Variants in TPM4 observed in about 807,000 individuals in gnomAD.
TPM4 encodes the protein tropomyosin 4, also known as tropomyosin alpha-4 chain.
TPM4 carries 17 observed loss-of-function variants against 35.8 expected under a neutral mutation model. That is an observed-to-expected ratio of 0.47 (90% CI 0.32 to 0.71). TPM4 has a LOEUF of 0.71. Among genes scored for constraint, TPM4 ranks in the 30% least tolerant of loss-of-function variants. TPM4 has a pLI of 0.03. For synonymous variants in TPM4, 120 were observed against 122.9 expected (o/e 0.98, Z 0.15); for missense variants, 240 against 320.9 (o/e 0.75, Z 1.93).
chr19:16,073,959 A>AAAAC (rs2090379055), upstream of TPM4, among the ~76,000 whole-genome samples: 3 of 120,128 alleles, frequency 2.5e-5, no homozygotes, highest in African/African-American at 9.9e-5. Context: ...AAAAAAAAAA[A>AAAAC]ACGCAAAAAA....
intron 7 of TPM4, chr19:16,095,421 G>C: frequency 9.7e-7 from 1 of 1,030,216 alleles, no homozygotes; most frequent in Non-Finnish European, 1.2e-6. Context: ...TAGGAGCTCC[G>C]GTGGCCTGCC....
chr19:16,092,565 C>T (rs2090641302), intron 5 of TPM4, among the ~76,000 whole-genome samples: 1 of 151,028 alleles, frequency 6.6e-6, no homozygotes, highest in African/African-American at 2.4e-5. Context: ...GATGGAGTCT[C>T]ACTCCATCGC....
At chr19:16,078,451 G>T (rs1310973866) in intron 1 of TPM4, among the ~76,000 whole-genome samples, 1 of 152,218 alleles carries the variant, frequency 6.6e-6, no homozygotes, top group Non-Finnish European at 1.5e-5. Context: ...GAGCCCAGAT[G>T]GGGGCTGCAG....
upstream of TPM4, chr19:16,076,448 G>C: frequency 1.5e-6 from 2 of 1,340,390 alleles, no homozygotes; most frequent in Non-Finnish European, 1.9e-6. Context: ...GGGAGAGGCG[G>C]GGGCGGCCCC....
At chr19:16,099,067 A>C (rs2090734142) in intron 7 of TPM4, among the ~76,000 whole-genome samples, 1 of 90,932 alleles carries the variant, frequency 1.1e-5, no homozygotes, top group Admixed American at 1.2e-4. Flanking sequence ...TAGTCACTTG[A>C]CTCTGTGTGT....
intron 2 of TPM4, among the ~76,000 whole-genome samples, chr19:16,085,420 G>T (rs2090538188): frequency 6.6e-6 from 1 of 151,952 alleles, no homozygotes; most frequent in African/African-American, 2.4e-5. Flanking sequence ...TTTTAGTTTA[G>T]CTGGGTGCAG....
At chr19:16,091,639 G>A (rs941316773) in intron 5 of TPM4, among the ~76,000 whole-genome samples, 12 of 152,156 alleles carry the variant, frequency 7.9e-5, no homozygotes, top group African/African-American at 2.9e-4. Flanking sequence ...GCTGGGCATG[G>A]TGGTGCATGC....
chr19:16,099,933 G>A (rs2090745844), intron 7 of TPM4: 1 of 152,124 alleles, frequency 6.6e-6, no homozygotes, highest in African/African-American at 2.4e-5. Context: ...ACACAATTAT[G>A]TGTATAATTT....
chr19:16,086,145 T>C (rs1327088168), intron 2 of TPM4, among the ~76,000 whole-genome samples: 1 of 149,904 alleles, frequency 6.7e-6, no homozygotes, highest in Non-Finnish European at 1.5e-5. Context: ...CAGTGCTCAG[T>C]AGATTCAGAG....
In TPM4 at chr19:16,086,333, G is replaced by A. The variant is rs571042648; in HGVS notation, c.267-90G>A. On this transcript the variant is annotated intron_variant, in intron 2 of 7. Transcript: ENST00000643579. ...CCACTGCACTCCAGCCTGGATGACA[G>A]AGCGAGACTCCATCTGAAAGAAAAG... The A allele has an allele frequency of 2.7e-5, 33 of 1,200,994 alleles. No individual in the cohort carries two copies. The South Asian group carries it at 4.1e-4, about 15-fold the overall frequency. The allele number at this position is 1,200,994 out of a possible 1,614,324, so 74.4% of individuals were successfully genotyped here. A position where few individuals can be genotyped will look rare whatever the true frequency, so the allele number is the denominator to read the frequency against.
intron 1 of TPM4, chr19:16,081,488 C>T (rs950299726): frequency 3.6e-5 from 6 of 165,234 alleles, no homozygotes; most frequent in South Asian, 4.0e-4. Context: ...CTCCGCCTCC[C>T]GGGTTCAAGT....
At chr19:16,073,505 G>T (rs1382635538), upstream of TPM4, among the ~76,000 whole-genome samples, 2 of 152,212 alleles carry the variant, frequency 1.3e-5, no homozygotes, top group Non-Finnish European at 2.9e-5. Flanking sequence ...GGCCAGAAAA[G>T]GGGACGGGGG....
chr19:16,079,446 G>GCACC (rs1383203814), intron 1 of TPM4, among the ~76,000 whole-genome samples: 2 of 152,236 alleles, frequency 1.3e-5, no homozygotes, highest in Non-Finnish European at 2.9e-5. Context: ...AGAATGAAAG[G>GCACC]CACCCATTCA....
At chr19:16,083,564 C>G (rs917670203) in intron 2 of TPM4, among the ~76,000 whole-genome samples, 7 of 151,020 alleles carry the variant, frequency 4.6e-5, no homozygotes, top group African/African-American at 1.5e-4. Flanking sequence ...GGCACAGGCT[C>G]TCTGGAAGAC....
intron 7 of TPM4, among the ~76,000 whole-genome samples, chr19:16,097,080 A>G (rs1345804631): frequency 2.0e-5 from 3 of 147,594 alleles, no homozygotes; most frequent in African/African-American, 5.0e-5. Context: ...CAGCCTCCCG[A>G]GTAGCTGGGA....
chr19:16,088,711 A>G (rs1599377112), intron 4 of TPM4: 1 of 1,083,508 alleles, frequency 9.2e-7, no homozygotes, highest in East Asian at 7.3e-5. Flanking sequence ...TTCTGCCCTC[A>G]GTCCCATTCT....
chr19:16,088,019 C>T lies in TPM4; in HGVS notation c.385-8C>T. On this transcript the variant is annotated splice_polypyrimidine_tract_variant and splice_region_variant and intron_variant, in intron 3 of 7. Transcript: ENST00000643579. ...ATCGGGCTCAGCTGGGCCTTTCTGTCTCTGCAGGTAGCTCGTAAGCTGGTC... is the reference window on the plus strand; with the variant it reads ...ATCGGGCTCAGCTGGGCCTTTCTGTTTCTGCAGGTAGCTCGTAAGCTGGTC... 1 of 1,608,870 alleles carries T rather than the reference C, an allele frequency of 6.2e-7. No homozygotes were observed. The highest frequency in any genetic ancestry group is 8.5e-7 in the Non-Finnish European group (1 of 1,178,354).
chr19:16,075,428 T>C (rs1388837927), upstream of TPM4: 1 of 152,132 alleles, frequency 6.6e-6, no homozygotes, highest in Non-Finnish European at 1.5e-5. Context: ...AGTGATCCTG[T>C]AGGGGCGAGT....
intron 3 of TPM4, 71 bp from the exon 4 acceptor site, chr19:16,087,956 C>T: frequency 6.6e-7 from 1 of 1,512,008 alleles, no homozygotes; most frequent in Non-Finnish European, 9.0e-7. Context: ...TCATTGGGGG[C>T]TGTCTGCAGT....
Sources: gnomAD v4.1 joint callset for allele counts (sites outside exome capture counted in the v4.1 genomes callset) on GRCh38, gnomAD v4.1.1 for gene constraint, MANE v1.5 for transcripts, NCBI Gene and HGNC (gene_info 2026-07-23, HGNC 2026-07-21) for gene names.